SIK3: variants seen among roughly 807,000 people sequenced by gnomAD.
SIK3 encodes SIK family kinase 3.
In SIK3, 28 loss-of-function variants were observed where a neutral mutation model predicts 144.2. The ratio of observed to expected loss-of-function variants is 0.19; its 90% CI spans 0.14 to 0.27. SIK3 has a LOEUF of 0.27. Ranked by LOEUF, SIK3 falls within the 10% of genes least tolerant of loss-of-function variation. The probability of loss-of-function intolerance (pLI) is 1.00; values close to 1 mark genes in which losing one functional copy is unlikely to be tolerated. For synonymous variants in SIK3, 686 were observed against 676.3 expected, an observed-to-expected ratio of 1.01 and a Z score of -0.22; for missense variants, 1,319 against 1,776.0, an observed-to-expected ratio of 0.74 and a Z score of 4.62.
chr11:117,025,451 A>C (rs1248215937), intron 1 of SIK3, among the ~76,000 whole-genome samples: 1 of 148,074 alleles, frequency 6.8e-6, no homozygotes, highest in Non-Finnish European at 1.5e-5. Context: ...GCCCAATACA[A>C]TTTTTTTTTT....
chr11:117,034,849 C>A (rs1016951894), intron 1 of SIK3, among the ~76,000 whole-genome samples: 2 of 152,142 alleles, frequency 1.3e-5, no homozygotes, highest in African/African-American at 4.8e-5. Flanking sequence ...TCCAAAAAAA[C>A]CAAACTTATT....
chr11:116,997,235 G>A (rs747725969), intron 1 of SIK3, among the ~76,000 whole-genome samples: 5 of 152,118 alleles, frequency 3.3e-5, no homozygotes, highest in African/African-American at 4.8e-5. Context: ...CAATCCATGC[G>A]CACAAGCAGG....
intron 4 of SIK3, among the ~76,000 whole-genome samples, chr11:116,899,537 A>T (rs1194490680): frequency 6.6e-5 from 10 of 152,204 alleles, no homozygotes; most frequent in African/African-American, 2.4e-4. Context: ...AGTTTATTCA[A>T]AAGGAAGAAT....
intron 1 of SIK3, among the ~76,000 whole-genome samples, chr11:117,034,162 A>G (rs904313298): frequency 3.3e-5 from 5 of 152,242 alleles, no homozygotes; most frequent in African/African-American, 4.8e-5. Context: ...ATAGCACTGT[A>G]TAAGTTATCA....
intron 3 of SIK3, among the ~76,000 whole-genome samples, chr11:116,947,170 T>TATTATTTATATATAATATATTATATATAA (rs1434017124): frequency 3.6e-4 from 42 of 116,606 alleles, no homozygotes; most frequent in African/African-American, 7.9e-4. Context: ...ATATATAAAT[T>TATTATTTATATATAATATATTATATATAA]ATTATTTATA....
intron 1 of SIK3, among the ~76,000 whole-genome samples, chr11:116,979,033 T>C (rs1017795480): frequency 1.3e-5 from 2 of 152,186 alleles, no homozygotes; most frequent in African/African-American, 4.8e-5. Flanking sequence ...TCTTAAGCCA[T>C]GCGCACAAGA....
chr11:116,853,850 A>G (rs1383843247), intron 21 of SIK3, among the ~76,000 whole-genome samples: 1 of 152,182 alleles, frequency 6.6e-6, no homozygotes, highest in Non-Finnish European at 1.5e-5. Flanking sequence ...AAGAAAGACA[A>G]ACCTTGTTTT....
In SIK3 at chr11:116,875,997, C is replaced by G. The variant is rs1334612714; in HGVS notation, c.1108G>C (p.Asp370His). Residue 370 changes from aspartate (D) to histidine (H), a missense_variant, in exon 9 of 25, where the codon GAT becomes CAT. Transcript: ENST00000445177. ...KEQTLQSLRS[D>H]AYDHYSAIYS... Reference sequence around the variant, plus strand: ...ATTGCACTATAGTGATCATAGGCATCTGATCTTAATGACTACCAAGAGAGA... The same window carrying G: ...ATTGCACTATAGTGATCATAGGCATGTGATCTTAATGACTACCAAGAGAGA... The G allele has an allele frequency of 1.2e-6, 2 of 1,613,356 alleles. No individual in the cohort carries two copies. Among genetic ancestry groups the G allele is most frequent in the Admixed American group, 1.7e-5 (1 of 59,698 alleles).
At chr11:116,880,822 T>C (rs1944505004) in intron 6 of SIK3, among the ~76,000 whole-genome samples, 2 of 152,062 alleles carry the variant, frequency 1.3e-5, no homozygotes, top group Non-Finnish European at 2.9e-5. Flanking sequence ...CTCTATTTTA[T>C]TGTCTAAAAG....
At chr11:116,891,729 T>C (rs781139730) in intron 6 of SIK3, among the ~76,000 whole-genome samples, 9 of 152,174 alleles carry the variant, frequency 5.9e-5, no homozygotes, top group Non-Finnish European at 1.2e-4. Flanking sequence ...TTTATTTATA[T>C]GTTTGTGTTC....
At chr11:117,072,789 A>G (rs1409559834) in intron 1 of SIK3, among the ~76,000 whole-genome samples, 4 of 152,238 alleles carry the variant, frequency 2.6e-5, no homozygotes, top group Non-Finnish European at 5.9e-5. Context: ...TTTAACCAAA[A>G]TGTCAACCTC....
In SIK3 at chr11:116,846,623, A is replaced by G. The variant is rs931636497; in HGVS notation, c.3953-70T>C. 35 of 1,580,058 alleles carry G rather than the reference A, an allele frequency of 2.2e-5. 1 individual carries two copies. The highest frequency in any genetic ancestry group is 7.9e-5 in the South Asian group (7 of 88,194). On this transcript the variant is annotated intron_variant, in intron 23 of 24. Coordinates refer to ENST00000445177, the MANE Select transcript of SIK3 (RefSeq NM_001366686.3). The surrounding 1 kb of genome is among the most constrained non-coding windows in gnomAD (Gnocchi z 4.1). ...GACTAGGAGAGCAAGGGGGAGAGAG[A>G]GGAGGAATTGAAGGCAACCTGTCGA...
At position 116,877,050 on chromosome 11, in the gene SIK3, G is replaced by A. The variant is rs1944294598; in HGVS notation, c.866-8C>T. 3 of 1,613,032 alleles carry A rather than the reference G, an allele frequency of 1.9e-6. No homozygotes were observed. Among genetic ancestry groups the A allele is most frequent in the Middle Eastern group, 3.3e-4 (2 of 6,062 alleles). On this transcript the variant is annotated splice_polypyrimidine_tract_variant and splice_region_variant and intron_variant, in intron 6 of 24. Coordinates refer to ENST00000445177, the MANE Select transcript of SIK3 (RefSeq NM_001366686.3). The stretch of plus-strand genomic sequence containing the variant: ...GGATCAAATGCTCACATTCTGCAAT[G>A]GACAAACAGCCTGCCTTCAGTCTCT...
Position 117,098,229 on chromosome 11 carries a change from T to C in SIK3, c.187A>G (p.Ile63Val). The C allele has an allele frequency of 6.7e-7, 1 of 1,498,748 alleles. No homozygotes were observed. Among genetic ancestry groups the C allele is most frequent in the Non-Finnish European group, 8.9e-7 (1 of 1,122,994 alleles). 92.8% of individuals were successfully genotyped at this position (1,498,748 alleles called of 1,614,324 possible). A position where few individuals can be genotyped will look rare whatever the true frequency, so the allele number is the denominator to read the frequency against. ...GTGCGGTCGATCTCGTAGTAGCCGA[T>C]ACGGGCGGGCATGGGTCCGCGGGAG... The part of the protein sequence containing the change: ...PASRGPMPAR[I>V]GYYEIDRTIG... Residue 63 changes from isoleucine (I) to valine (V), a missense_variant, in exon 1 of 25, where the codon ATC becomes GTC. Transcript: ENST00000445177.
At chr11:116,853,331 A>C (rs745869410) in intron 21 of SIK3, among the ~76,000 whole-genome samples, 3 of 152,232 alleles carry the variant, frequency 2.0e-5, no homozygotes, top group Non-Finnish European at 4.4e-5. Flanking sequence ...TTCAGGATCA[A>C]ATCTTTGGCA....
chr11:117,012,949 T>C (rs61905704), intron 1 of SIK3, among the ~76,000 whole-genome samples: 3,874 of 148,192 alleles, frequency 0.026, 79 homozygotes, highest in Non-Finnish European at 0.035. Context: ...CCTCCCGGGT[T>C]CACACCATTA....
chr11:117,007,543 G>A (rs576244729), intron 1 of SIK3, among the ~76,000 whole-genome samples: 33 of 152,214 alleles, frequency 2.2e-4, no homozygotes, highest in Non-Finnish European at 4.4e-4. Context: ...GGAGGGGTGA[G>A]CACACAGGTG....
intron 1 of SIK3, among the ~76,000 whole-genome samples, chr11:117,048,218 A>T (rs1009067418): frequency 6.6e-6 from 1 of 152,212 alleles, no homozygotes; most frequent in African/African-American, 2.4e-5. Context: ...CTTGAGAAAA[A>T]CCAGAAAGCT....
At chr11:116,889,831 A>G (rs1945011595) in intron 6 of SIK3, among the ~76,000 whole-genome samples, 1 of 152,228 alleles carries the variant, frequency 6.6e-6, no homozygotes, top group Non-Finnish European at 1.5e-5. Flanking sequence ...CAGGAGGCGG[A>G]GGCTGCAGTG....
Sources: gnomAD v4.1 joint callset for allele counts (sites outside exome capture counted in the v4.1 genomes callset) on GRCh38, gnomAD v4.1.1 for gene constraint, Gnocchi (gnomAD v3.1) non-coding constraint, MANE v1.5 for transcripts, NCBI Gene and HGNC (gene_info 2026-07-23, HGNC 2026-07-21) for gene names.